The following NRXN3 variants were observed in gnomAD, a reference collection of about 807,000 sequenced individuals.
NRXN3 encodes neurexin III.
NRXN3 carries 32 observed loss-of-function variants against 137.6 expected under a neutral mutation model. That is an observed-to-expected ratio of 0.23 (90% confidence interval 0.18 to 0.31). The LOEUF is 0.31. NRXN3 is among the 10% of genes least tolerant of loss of function. The probability of loss-of-function intolerance (pLI) is 1.00; values close to 1 mark genes in which losing one functional copy is unlikely to be tolerated. For missense variants in NRXN3, 1,574 were observed against 2,062.5 expected (o/e 0.76, Z 4.59); for synonymous variants, 798 against 784.5 (o/e 1.02, Z -0.29).
At chr14:78,805,408 G>T (rs1057229286) in intron 9 of NRXN3, among the ~76,000 whole-genome samples, 1 of 151,646 alleles carries the variant, frequency 6.6e-6, no homozygotes, top group African/African-American at 2.4e-5. Context: ...CCCTTCAAAG[G>T]CCCAAAGCCT....
At chr14:79,136,602 C>T (rs980099342) in intron 15 of NRXN3, among the ~76,000 whole-genome samples, 3 of 152,156 alleles carry the variant, frequency 2.0e-5, no homozygotes, top group Non-Finnish European at 4.4e-5. Flanking sequence ...TCATTACATT[C>T]ACAGCTGACA....
In NRXN3 at chr14:79,338,242, T is replaced by TGTGTGTGTGA. The variant is rs1555386006; in HGVS notation, c.3263-128978_3263-128969dup. Among the ~76,000 whole-genome samples the TGTGTGTGTGA allele has an allele frequency of 1.3e-3, 201 of 151,454 alleles. 4 individuals carry two copies. In the East Asian group the frequency reaches 0.034, roughly 25 times the overall value. On this transcript the variant is annotated intron_variant, in intron 15 of 20. Coordinates refer to ENST00000335750, the MANE Select transcript of NRXN3 (RefSeq NM_001330195.2). ...GAGTGTGTGTGTGTGTGTGTGTGTG[T>TGTGTGTGTGA]GTGTGTGTGAAGGAAGAGTAAGTGT... is the stretch of plus-strand genomic sequence containing the variant.
chr14:79,169,591 T>C (rs2061590760), intron 15 of NRXN3, among the ~76,000 whole-genome samples: 1 of 152,134 alleles, frequency 6.6e-6, no homozygotes, highest in Admixed American at 6.6e-5. Flanking sequence ...CTGCTTCATT[T>C]CAACTTAGCC....
chr14:78,694,496 A>T lies in NRXN3; in HGVS notation c.1222-14721A>T, dbSNP rs142697749. The stretch of plus-strand genomic sequence containing the variant: ...GATCATTCTAAGTTTTTCAGCAAAA[A>T]GATTGTGTCATAAGAATTAGATAGC... On this transcript the variant is annotated intron_variant, in intron 6 of 20. Transcript: ENST00000335750. Among the ~76,000 whole-genome samples, 37 of 152,032 alleles carry T rather than the reference A, an allele frequency of 2.4e-4. 2 individuals carry two copies. The East Asian group carries it at 6.8e-3, about 28-fold the overall frequency.
chr14:79,067,844 C>A (rs901988051), intron 15 of NRXN3, among the ~76,000 whole-genome samples: 2 of 151,952 alleles, frequency 1.3e-5, no homozygotes, highest in African/African-American at 4.8e-5. Flanking sequence ...ACACATGAAC[C>A]TTTGGGGGCA....
intron 5 of NRXN3, among the ~76,000 whole-genome samples, chr14:78,646,304 T>A (rs191252794): frequency 6.6e-6 from 1 of 152,310 alleles, no homozygotes; most frequent in Non-Finnish European, 1.5e-5. Context: ...GAAAACCGTT[T>A]CCTATAAAAA....
chr14:78,922,182 T>C (rs934159432), intron 10 of NRXN3, among the ~76,000 whole-genome samples: 3 of 152,180 alleles, frequency 2.0e-5, no homozygotes, highest in African/African-American at 7.2e-5. Flanking sequence ...TATCGTCCTA[T>C]ATGGATATTC....
At chr14:79,281,504 T>C (rs1014174052) in intron 15 of NRXN3, among the ~76,000 whole-genome samples, 4 of 152,134 alleles carry the variant, frequency 2.6e-5, no homozygotes, top group African/African-American at 4.8e-5. Flanking sequence ...ATTTGTTTAC[T>C]ATGCACTCCA....
rs572905127 is a variant in NRXN3 at position 78,203,412 on chromosome 14, C to T, written c.-704+32738C>T. ...AGTAGCCTGGGATATGGCACTGGCT[C>T]CCAGGTATGATGTATTTCTTTGATC... On this transcript the variant is annotated intron_variant, in intron 1 of 20. Coordinates refer to ENST00000335750, the MANE Select transcript of NRXN3 (RefSeq NM_001330195.2). Among the ~76,000 whole-genome samples, 7 of 152,290 alleles carry T rather than the reference C, an allele frequency of 4.6e-5. 1 individual carries two copies. The South Asian group carries it at 1.5e-3, about 32-fold the overall frequency.
rs112769922 is a variant in NRXN3 at position 79,273,881 on chromosome 14, G to A, written c.3263-193340G>A. On this transcript the variant is annotated intron_variant, in intron 15 of 20. Transcript: ENST00000335750. ...AGAGTCCGAGGTGGGCAGATCACGA[G>A]GTCAGGAGTTCGAGACCAGCCTGGC... is the stretch of plus-strand genomic sequence containing the variant. Among the ~76,000 whole-genome samples, 841 of 151,802 alleles carry A rather than the reference G, an allele frequency of 5.5e-3. 10 individuals are homozygous for A. Among genetic ancestry groups the A allele is most frequent in the African/African-American group, 0.018 (757 of 41,376 alleles).
At chr14:78,518,387 G>A (rs943725348) in intron 4 of NRXN3, among the ~76,000 whole-genome samples, 6 of 152,170 alleles carry the variant, frequency 3.9e-5, no homozygotes, top group Non-Finnish European at 7.4e-5. Flanking sequence ...CTCTCTAGGT[G>A]GGGATCTAAT....
chr14:79,509,379 C>A (rs897544600), intron 16 of NRXN3, among the ~76,000 whole-genome samples: 1 of 151,838 alleles, frequency 6.6e-6, no homozygotes, highest in Admixed American at 6.6e-5. Context: ...AGCCAGGCAT[C>A]ATGGCGTGTG....
chr14:79,131,651 C>T (rs946350126), intron 15 of NRXN3, among the ~76,000 whole-genome samples: 19 of 152,342 alleles, frequency 1.2e-4, no homozygotes, highest in South Asian at 8.3e-4. Flanking sequence ...GCCCTGCCCC[C>T]AGAGGTGGAG....
At chr14:79,537,625 C>T (rs1034654947) in intron 16 of NRXN3, among the ~76,000 whole-genome samples, 14 of 152,148 alleles carry the variant, frequency 9.2e-5, no homozygotes, top group African/African-American at 3.4e-4. Context: ...ATGAACTCAT[C>T]ATTTTCTATG....
intron 19 of NRXN3, among the ~76,000 whole-genome samples, chr14:79,775,432 A>T (rs1362855729): frequency 1.3e-5 from 2 of 150,796 alleles, no homozygotes; most frequent in South Asian, 2.1e-4. Flanking sequence ...TAGGATATGG[A>T]TTGGGGGGCG....
At chr14:79,796,094 A>G (rs1273140205) in intron 19 of NRXN3, among the ~76,000 whole-genome samples, 5 of 152,154 alleles carry the variant, frequency 3.3e-5, no homozygotes, top group Admixed American at 6.5e-5. Flanking sequence ...CTAATTAGCA[A>G]TCCTAGAGAG....
intron 6 of NRXN3, among the ~76,000 whole-genome samples, chr14:78,694,501 G>T (rs2098205482): frequency 1.3e-5 from 2 of 151,874 alleles, no homozygotes; most frequent in Non-Finnish European, 2.9e-5. Flanking sequence ...CAAAAAGATT[G>T]TGTCATAAGA....
intron 10 of NRXN3, among the ~76,000 whole-genome samples, chr14:78,832,384 G>A (rs215502): frequency 0.98 from 149,385 of 152,298 alleles, 73,332 homozygotes; most frequent in East Asian, 1. Context: ...CAATTCATGA[G>A]AAACAGCTGT....
chr14:78,736,205 G>A (rs1017858003), intron 8 of NRXN3, among the ~76,000 whole-genome samples: 21 of 152,052 alleles, frequency 1.4e-4, no homozygotes, highest in African/African-American at 4.8e-4. Context: ...TTGAGTTTTC[G>A]GTTCCCCATC....
Sources: allele counts gnomAD v4.1 joint callset (sites outside exome capture counted in the v4.1 genomes callset), GRCh38; gene constraint gnomAD v4.1.1; transcripts MANE v1.5; gene names NCBI Gene and HGNC (gene_info 2026-07-23, HGNC 2026-07-21).